Variants in PLPPR1 observed in about 807,000 individuals in gnomAD.
PLPPR1 encodes the protein phospholipid phosphatase related 1.
PLPPR1 carries 10 observed loss-of-function variants against 33.1 expected under a neutral mutation model. The ratio of observed to expected loss-of-function variants is 0.30; its 90% confidence interval spans 0.19 to 0.51. The LOEUF (loss-of-function observed/expected upper bound fraction) is 0.51. Ranked by LOEUF, PLPPR1 falls within the 20% of genes least tolerant of loss-of-function variation. PLPPR1 has a pLI of 0.97. For missense variants in PLPPR1, 304 were observed against 408.1 expected (o/e 0.74, Z 2.20); for synonymous variants, 151 against 151.0 (o/e 1.00, Z 0.00).
chr9:101,237,805 T>A (rs1827337290), intron 2 of PLPPR1, among the ~76,000 whole-genome samples: 1 of 111,064 alleles, frequency 9.0e-6, no homozygotes, highest in Non-Finnish European at 1.7e-5. Context: ...TGAGTAGTAT[T>A]CCATTGTGTG....
At chr9:101,123,035 T>G (rs1029134960) in intron 1 of PLPPR1, among the ~76,000 whole-genome samples, 1 of 152,236 alleles carries the variant, frequency 6.6e-6, no homozygotes, top group African/African-American at 2.4e-5. Flanking sequence ...TCACCTGGGC[T>G]TGTGCCAAGG....
chr9:101,049,080 C>A (rs893347269), intron 1 of PLPPR1, among the ~76,000 whole-genome samples: 3 of 152,180 alleles, frequency 2.0e-5, no homozygotes, highest in African/African-American at 7.2e-5. Context: ...ATTTTGTTTT[C>A]ATTGAGCACT....
chr9:101,283,260 T>C (rs1828334682), intron 3 of PLPPR1, among the ~76,000 whole-genome samples: 1 of 152,238 alleles, frequency 6.6e-6, no homozygotes, highest in Admixed American at 6.5e-5. Flanking sequence ...ACTATCTGAC[T>C]TCTAAATATA....
chr9:101,238,348 G>GATATATAT (rs1564011754), intron 2 of PLPPR1, among the ~76,000 whole-genome samples: 1 of 74,818 alleles, frequency 1.3e-5, no homozygotes, highest in South Asian at 5.4e-4. Context: ...TATATATAGA[G>GATATATAT]GTGTATATAT....
chr9:101,173,380 C>G (rs1248371781), intron 1 of PLPPR1, among the ~76,000 whole-genome samples: 8 of 151,940 alleles, frequency 5.3e-5, no homozygotes, highest in Non-Finnish European at 1.2e-4. Context: ...TTTTTGATGC[C>G]TTTAAACAAT....
At chr9:101,176,674 A>G (rs950889465) in intron 1 of PLPPR1, among the ~76,000 whole-genome samples, 2 of 152,210 alleles carry the variant, frequency 1.3e-5, no homozygotes, top group African/African-American at 4.8e-5. Context: ...GGCCAAGTGG[A>G]GAACCTAGAC....
In PLPPR1 at chr9:101,091,406, G is replaced by A. The variant is rs938845140; in HGVS notation, c.-46+62304G>A. Among the ~76,000 whole-genome samples, 4 of 152,158 alleles carry A rather than the reference G, an allele frequency of 2.6e-5. No homozygotes were observed. The South Asian group carries it at 6.2e-4, about 24-fold the overall frequency. The stretch of plus-strand genomic sequence containing the variant: ...CCAAAGTCAAGATGTTGGCAGGGCG[G>A]CATGTCTTCTGGAGGCTCTGGGGGA... On this transcript the variant is annotated intron_variant, in intron 1 of 7. Coordinates refer to ENST00000374874, the MANE Select transcript of PLPPR1 (RefSeq NM_207299.2).
intron 1 of PLPPR1, among the ~76,000 whole-genome samples, chr9:101,115,074 T>C (rs753111795): frequency 6.6e-6 from 1 of 152,198 alleles, no homozygotes; most frequent in Non-Finnish European, 1.5e-5. Flanking sequence ...GGGGCCAGAC[T>C]GCATTTGATT....
At chr9:101,117,211 T>C (rs183887607) in intron 1 of PLPPR1, among the ~76,000 whole-genome samples, 1 of 152,148 alleles carries the variant, frequency 6.6e-6, no homozygotes, top group Admixed American at 6.5e-5. Context: ...GTTAGAGCAT[T>C]CTTAGTCACA....
At position 101,095,077 on chromosome 9, in the gene PLPPR1, G is replaced by T. The variant is rs563334901; in HGVS notation, c.-46+65975G>T. Among the ~76,000 whole-genome samples the T allele has an allele frequency of 4.6e-5, 7 of 152,262 alleles. No homozygotes were observed. The South Asian group carries it at 1.5e-3, about 32-fold the overall frequency. On this transcript the variant is annotated intron_variant, in intron 1 of 7. Transcript: ENST00000374874. ...AGTGACTGTAGTCAGTGTTTATATA[G>T]TTGTCTATCCCTTTCTCAGATCTTC...
intron 3 of PLPPR1, among the ~76,000 whole-genome samples, chr9:101,272,698 C>T (rs778102093): frequency 6.6e-5 from 10 of 152,144 alleles, no homozygotes; most frequent in Non-Finnish European, 1.5e-4. Flanking sequence ...TTTCTAAATT[C>T]ATCACTAACC....
chr9:101,078,186 AG>A (rs1363852409), intron 1 of PLPPR1, among the ~76,000 whole-genome samples: 1 of 7,470 alleles, frequency 1.3e-4, no homozygotes, highest in African/African-American at 6.5e-4. Context: ...GAAGAAGAAG[AG>A]GAGGGGGGGA....
rs188887142 is a variant in PLPPR1 at position 101,205,024 on chromosome 9, T to C, written c.63+19467T>C. ...ATTTTTGTACCCTTTAAGGTACTCA[T>C]GTCTCAAAGTTTTAAGTCCCTATTA... On this transcript the variant is annotated intron_variant, in intron 2 of 7. Transcript: ENST00000374874. Among the ~76,000 whole-genome samples the C allele has an allele frequency of 7.9e-4, 121 of 152,308 alleles. 2 individuals carry two copies. The East Asian group carries it at 0.023, about 29-fold the overall frequency.
intron 6 of PLPPR1, among the ~76,000 whole-genome samples, chr9:101,314,988 G>A (rs1038897959): frequency 2.0e-5 from 3 of 152,180 alleles, no homozygotes; most frequent in Non-Finnish European, 2.9e-5. Flanking sequence ...ATACATAGAA[G>A]TTACACATGT....
chr9:101,314,115 C>T (rs1187134769), intron 6 of PLPPR1, among the ~76,000 whole-genome samples: 1 of 152,176 alleles, frequency 6.6e-6, no homozygotes, highest in African/African-American at 2.4e-5. Context: ...GAGACTTATA[C>T]TGTGCATGAA....
chr9:101,130,198 C>CA (rs897680841), intron 1 of PLPPR1, among the ~76,000 whole-genome samples: 7 of 151,826 alleles, frequency 4.6e-5, no homozygotes, highest in Admixed American at 3.9e-4. Flanking sequence ...GGGGAAAAAG[C>CA]AAAAAAAATT....
chr9:101,314,120 C>T (rs1389934603), intron 6 of PLPPR1, among the ~76,000 whole-genome samples: 1 of 152,140 alleles, frequency 6.6e-6, no homozygotes, highest in African/African-American at 2.4e-5. Context: ...TTATACTGTG[C>T]ATGAAATGAA....
intron 3 of PLPPR1, among the ~76,000 whole-genome samples, chr9:101,281,433 A>C (rs1023286043): frequency 3.9e-5 from 6 of 152,006 alleles, no homozygotes; most frequent in Non-Finnish European, 5.9e-5. Context: ...ATGACATCAC[A>C]AAAGACCCAG....
intron 1 of PLPPR1, among the ~76,000 whole-genome samples, chr9:101,070,009 A>G (rs952860158): frequency 6.6e-6 from 1 of 152,114 alleles, no homozygotes; most frequent in East Asian, 1.9e-4. Flanking sequence ...CATACTATCA[A>G]TGTGACTTAT....
Sources: allele counts gnomAD v4.1 joint callset (sites outside exome capture counted in the v4.1 genomes callset), GRCh38; gene constraint gnomAD v4.1.1; transcripts MANE v1.5; gene names NCBI Gene and HGNC (gene_info 2026-07-23, HGNC 2026-07-21).